Variants in OR3A3 observed in about 807,000 individuals in gnomAD.
OR3A3 encodes olfactory receptor 3A3.
For missense variants in OR3A3, 275 were observed against 391.4 expected (o/e 0.70, Z 2.51); for synonymous variants, 103 against 163.9 (o/e 0.63, Z 2.84).
At chr17:3,420,920 G>A (rs988969246) in exon 3 of OR3A3, 6 of 1,607,672 alleles carry the variant, frequency 3.7e-6, no homozygotes, top group Non-Finnish European at 5.1e-6. Context: ...CTTCTGGCTG[G>A]GATGGACTGC....
intron 2 of OR3A3, among the ~76,000 whole-genome samples, chr17:3,415,348 G>T (rs530155649): frequency 6.6e-6 from 1 of 151,764 alleles, no homozygotes; most frequent in Non-Finnish European, 1.5e-5. Flanking sequence ...ATCACATGAG[G>T]TCAGGAGTTC....
chr17:3,418,026 G>C (rs2072402560), intron 2 of OR3A3, among the ~76,000 whole-genome samples: 2 of 152,034 alleles, frequency 1.3e-5, no homozygotes, highest in South Asian at 4.2e-4. Flanking sequence ...CTTCCATCTG[G>C]TATCTTGAAA....
chr17:3,421,195 G>A, exon 3 of OR3A3: 2 of 1,614,208 alleles, frequency 1.2e-6, no homozygotes, highest in South Asian at 1.1e-5. Flanking sequence ...GCTGCTCTTT[G>A]TAGCAGCAGC....
At chr17:3,413,497 C>CT (rs1432374682) in intron 2 of OR3A3, among the ~76,000 whole-genome samples, 1 of 152,184 alleles carries the variant, frequency 6.6e-6, no homozygotes, top group East Asian at 1.9e-4. Context: ...TTTCTTCCCA[C>CT]TCCCAAGTCA....
exon 3 of OR3A3, chr17:3,424,025 A>C (rs1011190188): frequency 2.0e-5 from 3 of 151,546 alleles, no homozygotes; most frequent in Non-Finnish European, 4.4e-5. Context: ...TGCCTACTTC[A>C]CATCTGTAGA....
chr17:3,420,047 A>G (rs140806050), intron 2 of OR3A3, among the ~76,000 whole-genome samples: 2,631 of 152,278 alleles, frequency 0.017, 73 homozygotes, highest in African/African-American at 0.056. Context: ...GATTACAGGC[A>G]TGAGCCACTG....
chr17:3,418,798 C>T (rs1597375845), intron 2 of OR3A3, among the ~76,000 whole-genome samples: 1 of 152,166 alleles, frequency 6.6e-6, no homozygotes, highest in South Asian at 2.1e-4. Context: ...TATGATATTG[C>T]TCTTAAGGAA....
At chr17:3,419,462 G>A (rs2072412600) in intron 2 of OR3A3, among the ~76,000 whole-genome samples, 1 of 152,084 alleles carries the variant, frequency 6.6e-6, no homozygotes, top group Non-Finnish European at 1.5e-5. Flanking sequence ...TTATCTTTCT[G>A]TGTCTAGTTT....
intron 2 of OR3A3, among the ~76,000 whole-genome samples, chr17:3,415,800 T>TAA (rs779322435): frequency 0.098 from 1,320 of 13,480 alleles, 19 homozygotes; most frequent in African/African-American, 0.2. Flanking sequence ...TATTTTTAAA[T>TAA]TATTATTATT....
chr17:3,415,353 G>A (rs2072384089), intron 2 of OR3A3, among the ~76,000 whole-genome samples: 1 of 151,686 alleles, frequency 6.6e-6, no homozygotes, highest in Non-Finnish European at 1.5e-5. Context: ...ATGAGGTCAG[G>A]AGTTCGAGAC....
At chr17:3,419,980 G>C (rs577621008) in intron 2 of OR3A3, among the ~76,000 whole-genome samples, 2 of 152,168 alleles carry the variant, frequency 1.3e-5, no homozygotes, top group African/African-American at 4.8e-5. Context: ...TGTTAGCCAG[G>C]ATGGTCTCAA....
intron 2 of OR3A3, among the ~76,000 whole-genome samples, chr17:3,417,646 AT>A (rs1300289477): frequency 6.6e-6 from 1 of 152,098 alleles, no homozygotes; most frequent in African/African-American, 2.4e-5. Flanking sequence ...TTGCTTGTAT[AT>A]TTGAGTTACA....
At chr17:3,422,623 G>A (rs762609791) in exon 3 of OR3A3, 2 of 152,238 alleles carry the variant, frequency 1.3e-5, no homozygotes, top group Non-Finnish European at 2.9e-5. Flanking sequence ...TCATCTTGAT[G>A]TCTATCCAGG....
intron 2 of OR3A3, among the ~76,000 whole-genome samples, chr17:3,415,849 C>T: frequency 7.0e-6 from 1 of 142,416 alleles, no homozygotes. Flanking sequence ...TTATTTGAGA[C>T]CCAGGCTGGA....
At chr17:3,420,427 C>T in intron 2 of OR3A3, 153 bp from the exon 3 acceptor site, 1 of 1,291,322 alleles carries the variant, frequency 7.7e-7, no homozygotes, top group Non-Finnish European at 1.1e-6. Context: ...TGGCATTCGG[C>T]ATCTCAACCA....
At chr17:3,418,990 T>G (rs547984446) in intron 2 of OR3A3, among the ~76,000 whole-genome samples, 17 of 152,320 alleles carry the variant, frequency 1.1e-4, no homozygotes, top group African/African-American at 3.8e-4. Context: ...GTCTGTGCAA[T>G]GTAGAACCCT....
At chr17:3,421,209 C>A in exon 3 of OR3A3, 1 of 1,614,240 alleles carries the variant, frequency 6.2e-7, no homozygotes, top group Non-Finnish European at 8.5e-7. Context: ...CAGCAGCCTT[C>A]ATGGCTGTGG....
intron 2 of OR3A3, among the ~76,000 whole-genome samples, chr17:3,412,418 C>T (rs552419628): frequency 2.8e-4 from 42 of 147,520 alleles, no homozygotes; most frequent in African/African-American, 9.9e-4. Flanking sequence ...GTTCACTGCC[C>T]GCACCCACTG....
At chr17:3,417,080 T>C (rs1348176891) in intron 2 of OR3A3, among the ~76,000 whole-genome samples, 2 of 152,116 alleles carry the variant, frequency 1.3e-5, no homozygotes, top group African/African-American at 4.8e-5. Context: ...CAATTATTAT[T>C]TTGCATGCTT....
Sources: gnomAD v4.1 joint callset for allele counts (sites outside exome capture counted in the v4.1 genomes callset) on GRCh38, gnomAD v4.1.1 for gene constraint, MANE v1.5 for transcripts, NCBI Gene and HGNC (gene_info 2026-07-23, HGNC 2026-07-21) for gene names.